Variants in CTDSPL2 observed in about 807,000 individuals in gnomAD.
The protein encoded by CTDSPL2 is CTD small phosphatase like 2, also known as CTD small phosphatase-like protein 2.
In CTDSPL2, 5 loss-of-function variants were observed where a neutral mutation model predicts 60.0. The observed-to-expected ratio is 0.08, with a 90% CI of 0.04 to 0.18. The LOEUF (loss-of-function observed/expected upper bound fraction) is 0.18, where lower values mean the gene tolerates loss of function less well. CTDSPL2 is among the 10% of genes least tolerant of loss of function. The pLI is 1.00. For synonymous variants in CTDSPL2, 186 were observed against 189.3 expected (o/e 0.98, Z 0.14); for missense variants, 370 against 548.8 (o/e 0.67, Z 3.26).
intron 1 of CTDSPL2, among the ~76,000 whole-genome samples, chr15:44,444,302 T>TACACACACACACACACAC (rs59993417): frequency 2.1e-4 from 28 of 136,278 alleles, no homozygotes; most frequent in African/African-American, 6.1e-4. Flanking sequence ...GCTTTTCCCA[T>TACACACACACACACACAC]ACACACACAC....
At chr15:44,521,523 G>GC in intron 12 of CTDSPL2, 117 bp downstream of exon 12, 1 of 541,730 alleles carries the variant, frequency 1.8e-6, no homozygotes, top group Non-Finnish European at 3.2e-6. Flanking sequence ...TGTGAGCCAG[G>GC]TCACAGGTGC....
intron 1 of CTDSPL2, among the ~76,000 whole-genome samples, chr15:44,442,679 GC>G (rs2080115784): frequency 6.6e-6 from 1 of 150,664 alleles, no homozygotes; most frequent in Non-Finnish European, 1.5e-5. Flanking sequence ...TAGTTGGTTA[GC>G]AAAAAAAAAA....
intron 12 of CTDSPL2, 42 bp from the exon 13 acceptor site, chr15:44,524,067 G>C (rs2081834705): frequency 6.7e-7 from 1 of 1,485,850 alleles, no homozygotes; most frequent in Admixed American, 1.7e-5. Flanking sequence ...TCATATCTTT[G>C]AAATTTTATG....
chr15:44,478,589 T>A (rs1048074853), intron 2 of CTDSPL2, among the ~76,000 whole-genome samples: 3 of 151,902 alleles, frequency 2.0e-5, no homozygotes, highest in Admixed American at 2.0e-4. Context: ...CATTTTTTCT[T>A]GGTTATTTTA....
At chr15:44,484,426 T>A in intron 3 of CTDSPL2, 64 bp downstream of exon 3, 1 of 1,463,666 alleles carries the variant, frequency 6.8e-7, no homozygotes, top group Non-Finnish European at 9.4e-7. Flanking sequence ...GACACATTTC[T>A]TATCTATTTT....
At chr15:44,496,336 G>A (rs760743018) in intron 5 of CTDSPL2, 44 bp from the exon 6 acceptor site, 2 of 1,225,190 alleles carry the variant, frequency 1.6e-6, no homozygotes, top group Non-Finnish European at 2.4e-6. Context: ...ATTTCATGAA[G>A]CATTAAGTAA....
In CTDSPL2 at chr15:44,524,123, A is replaced by G; in HGVS notation, c.1350A>G (p.Arg450=). The G allele has an allele frequency of 6.2e-7, 1 of 1,613,886 alleles. No individual in the cohort carries two copies. The highest frequency in any genetic ancestry group is 8.5e-7 in the Non-Finnish European group (1 of 1,179,892). ...TTTCCACGCAGAATGAAGATGTTCG[A>G]CCACACATCAGAGACAGATTTCGCT... is the stretch of plus-strand genomic sequence containing the variant. ...EKLVELNEDV[R]PHIRDRFRLH... The change falls in exon 13 of 13, where the codon CGA becomes CGG. Residue 450 remains arginine (R), a synonymous_variant. Coordinates refer to ENST00000260327, the MANE Select transcript of CTDSPL2 (RefSeq NM_016396.3).
chr15:44,515,479 A>G (rs1227870052), intron 10 of CTDSPL2, among the ~76,000 whole-genome samples: 1 of 152,166 alleles, frequency 6.6e-6, no homozygotes, highest in Non-Finnish European at 1.5e-5. Context: ...GAAGTGAGAT[A>G]GTAAGACTGC....
At chr15:44,437,176 G>A (rs979685090) in intron 1 of CTDSPL2, among the ~76,000 whole-genome samples, 6 of 152,092 alleles carry the variant, frequency 3.9e-5, no homozygotes, top group African/African-American at 1.2e-4. Context: ...GGGGCATTTC[G>A]GATTTTCAGA....
At chr15:44,445,540 A>G (rs930657724) in intron 1 of CTDSPL2, among the ~76,000 whole-genome samples, 4 of 152,080 alleles carry the variant, frequency 2.6e-5, no homozygotes, top group African/African-American at 9.7e-5. Context: ...CTATGTACAT[A>G]GGAGCTGCCC....
At chr15:44,521,543 C>T (rs1466887409) in intron 12 of CTDSPL2, 137 bp downstream of exon 12, 6 of 491,416 alleles carry the variant, frequency 1.2e-5, no homozygotes, top group East Asian at 3.6e-5. Context: ...CCATCATAGG[C>T]GCCTGTAGTG....
At chr15:44,450,153 T>C (rs2080305045) in intron 1 of CTDSPL2, among the ~76,000 whole-genome samples, 1 of 152,134 alleles carries the variant, frequency 6.6e-6, no homozygotes, top group Non-Finnish European at 1.5e-5. Context: ...TTTTCAATTT[T>C]AGTGTTTTAG....
chr15:44,513,889 A>G (rs1769580580), intron 8 of CTDSPL2, among the ~76,000 whole-genome samples: 1 of 152,184 alleles, frequency 6.6e-6, no homozygotes, highest in Admixed American at 6.6e-5. Flanking sequence ...GAGACACAGA[A>G]ATAAGAAAAT....
At chr15:44,450,381 T>G (rs1387706202) in intron 1 of CTDSPL2, among the ~76,000 whole-genome samples, 1 of 152,142 alleles carries the variant, frequency 6.6e-6, no homozygotes, top group Non-Finnish European at 1.5e-5. Context: ...CTACCAAATG[T>G]TAACAATCTT....
Position 44,524,192 on chromosome 15 carries a change from A to G in CTDSPL2, c.*18A>G. 6.3e-7 allele frequency: 1 copy of G among 1,598,496 alleles called. No homozygotes were observed. The highest frequency in any genetic ancestry group is 1.1e-5 in the South Asian group (1 of 90,770). Reference sequence around the variant, plus strand: ...CAGATTAAGTACAAAGACTTGTCAAATCACTGAAGGGGGAGAGAATGCAGG... The same window carrying G: ...CAGATTAAGTACAAAGACTTGTCAAGTCACTGAAGGGGGAGAGAATGCAGG... On this transcript the variant is annotated 3_prime_UTR_variant, in exon 13 of 13. Transcript: ENST00000260327.
At position 44,521,385 on chromosome 15, in the gene CTDSPL2, C is replaced by T; in HGVS notation, c.1314C>T (p.Phe438=). The change falls in exon 12 of 13, where the codon TTC becomes TTT. Residue 438 remains phenylalanine, a synonymous_variant. Coordinates refer to ENST00000260327, the MANE Select transcript of CTDSPL2 (RefSeq NM_016396.3). ...NDNELLKLIP[F]LEKLVELNED... ...ATGAACTCCTAAAATTGATTCCATT[C>T]CTGGAGAAGCTTGTAGAACTGGTAA... 6.3e-7 allele frequency: 1 copy of T among 1,586,054 alleles called. No individual in the cohort carries two copies. The highest frequency in any genetic ancestry group is 1.7e-4 in the Middle Eastern group (1 of 5,958).
intron 1 of CTDSPL2, among the ~76,000 whole-genome samples, chr15:44,435,181 C>T (rs1027173216): frequency 2.0e-5 from 3 of 146,832 alleles, no homozygotes; most frequent in Admixed American, 7.1e-5. Flanking sequence ...TGCATGAACC[C>T]GGGAGGCAGA....
chr15:44,475,697 C>T (rs1420804837), intron 2 of CTDSPL2, among the ~76,000 whole-genome samples: 1 of 151,540 alleles, frequency 6.6e-6, no homozygotes, highest in African/African-American at 2.4e-5. Flanking sequence ...AAAAACTAAC[C>T]ACTTTTTGCT....
intron 2 of CTDSPL2, among the ~76,000 whole-genome samples, chr15:44,472,446 G>A (rs1002904396): frequency 2.0e-5 from 3 of 152,052 alleles, no homozygotes; most frequent in Admixed American, 2.0e-4. Flanking sequence ...ATGGTATGGA[G>A]CATCTTTTTT....
Sources: gnomAD v4.1 joint callset for allele counts (sites outside exome capture counted in the v4.1 genomes callset) on GRCh38, gnomAD v4.1.1 for gene constraint, MANE v1.5 for transcripts, NCBI Gene and HGNC (gene_info 2026-07-23, HGNC 2026-07-21) for gene names.